The following SEMA5A variants were observed in gnomAD, a reference collection of about 807,000 sequenced individuals.
SEMA5A encodes semaphorin-5A.
In SEMA5A, 55 loss-of-function variants were observed where a neutral mutation model predicts 135.5. That is an observed-to-expected ratio of 0.41 (90% CI 0.33 to 0.51). The LOEUF (loss-of-function observed/expected upper bound fraction) is 0.51, where lower values mean the gene tolerates loss of function less well. Ranked by LOEUF, SEMA5A falls within the 20% of genes least tolerant of loss-of-function variation. The pLI is 0.37. For missense variants in SEMA5A, 1,290 were observed against 1,419.9 expected, an observed-to-expected ratio of 0.91 and a Z score of 1.47; for synonymous variants, 580 against 546.5, an observed-to-expected ratio of 1.06 and a Z score of -0.85.
chr5:9,315,149 A>C (rs1752336009), intron 5 of SEMA5A, among the ~76,000 whole-genome samples: 1 of 152,154 alleles, frequency 6.6e-6, no homozygotes, highest in Non-Finnish European at 1.5e-5. Context: ...TGTCAGTAAA[A>C]TTTGCAAAAA....
At chr5:9,476,308 C>A (rs1436374947) in intron 1 of SEMA5A, among the ~76,000 whole-genome samples, 3 of 151,934 alleles carry the variant, frequency 2.0e-5, no homozygotes, top group African/African-American at 7.3e-5. Context: ...TCCTAAAGCA[C>A]CAAACAGCTA....
At chr5:9,334,079 C>T (rs1753275680) in intron 4 of SEMA5A, among the ~76,000 whole-genome samples, 2 of 152,094 alleles carry the variant, frequency 1.3e-5, no homozygotes, top group Non-Finnish European at 2.9e-5. Flanking sequence ...AGAGGCTTTT[C>T]TTTTGCAGCC....
At chr5:9,379,736 T>C in intron 3 of SEMA5A, 87 bp downstream of exon 3, 2 of 1,495,254 alleles carry the variant, frequency 1.3e-6, no homozygotes, top group South Asian at 1.2e-5. Flanking sequence ...TTATACAGCA[T>C]TCGTGATGCT....
chr5:9,226,247 G>A (rs940718198), intron 7 of SEMA5A, among the ~76,000 whole-genome samples: 2 of 152,174 alleles, frequency 1.3e-5, no homozygotes, highest in Non-Finnish European at 2.9e-5. Flanking sequence ...TATTCCCAGA[G>A]GAAGGTTGCA....
intron 11 of SEMA5A, among the ~76,000 whole-genome samples, chr5:9,186,520 T>C (rs1241374456): frequency 1.3e-5 from 2 of 152,204 alleles, no homozygotes; most frequent in African/African-American, 4.8e-5. Context: ...ATTCTGCAAG[T>C]AAGGTAGGAA....
At chr5:9,091,859 C>A (rs1298819167) in intron 16 of SEMA5A, among the ~76,000 whole-genome samples, 2 of 152,158 alleles carry the variant, frequency 1.3e-5, no homozygotes, top group East Asian at 3.9e-4. Flanking sequence ...GTATGACAGT[C>A]CTGTTGAGCA....
chr5:9,504,224 GAAA>G (rs756036470), intron 1 of SEMA5A, among the ~76,000 whole-genome samples: 1 of 104,420 alleles, frequency 9.6e-6, no homozygotes, highest in African/African-American at 3.7e-5. Context: ...AAAAAAAAAA[GAAA>G]AAAAAAAAAA....
chr5:9,508,835 C>A (rs992778916), intron 1 of SEMA5A, among the ~76,000 whole-genome samples: 1 of 152,146 alleles, frequency 6.6e-6, no homozygotes, highest in Admixed American at 6.5e-5. Context: ...CCATGTCTGT[C>A]TTCTCCGTCA....
At chr5:9,098,146 G>C (rs1739426058) in intron 16 of SEMA5A, among the ~76,000 whole-genome samples, 1 of 151,948 alleles carries the variant, frequency 6.6e-6, no homozygotes, top group South Asian at 2.1e-4. Context: ...GGGAGGCTGA[G>C]GCAGAAGAAT....
chr5:9,223,995 GTGGCTC>G (rs1164800181), intron 8 of SEMA5A, among the ~76,000 whole-genome samples: 1 of 152,120 alleles, frequency 6.6e-6, no homozygotes, highest in African/African-American at 2.4e-5. Context: ...GGAGAGGGAT[GTGGCTC>G]TTCTTCGAGT....
chr5:9,129,955 C>T (rs1469032734), intron 13 of SEMA5A, among the ~76,000 whole-genome samples: 1 of 152,192 alleles, frequency 6.6e-6, no homozygotes, highest in Non-Finnish European at 1.5e-5. Flanking sequence ...TCAACCACTT[C>T]ATTCTGTAAA....
chr5:9,354,261 T>G (rs1270342221), intron 3 of SEMA5A, among the ~76,000 whole-genome samples: 1 of 152,202 alleles, frequency 6.6e-6, no homozygotes, highest in Non-Finnish European at 1.5e-5. Context: ...TCACTCTTGT[T>G]TCCCAGCGTG....
At chr5:9,329,523 A>C (rs946102205) in intron 4 of SEMA5A, among the ~76,000 whole-genome samples, 1 of 152,264 alleles carries the variant, frequency 6.6e-6, no homozygotes, top group Admixed American at 6.5e-5. Flanking sequence ...GCTTCCTGGC[A>C]TAAAGTAGGT....
intron 3 of SEMA5A, among the ~76,000 whole-genome samples, chr5:9,375,725 G>A (rs1377926216): frequency 6.6e-6 from 1 of 151,300 alleles, no homozygotes; most frequent in Non-Finnish European, 1.5e-5. Context: ...GAAAGTCCCA[G>A]GAAGACCAGG....
intron 1 of SEMA5A, among the ~76,000 whole-genome samples, chr5:9,530,327 T>G (rs566397400): frequency 6.6e-6 from 1 of 152,232 alleles, no homozygotes; most frequent in Non-Finnish European, 1.5e-5. Context: ...ATTCACATTT[T>G]TATATGTAGT....
In SEMA5A at chr5:9,291,513, G is replaced by A. The variant is rs530603093; in HGVS notation, c.270+26859C>T. Among the ~76,000 whole-genome samples, 15 of 152,168 alleles carry A rather than the reference G, an allele frequency of 9.9e-5. No homozygotes were observed. In the East Asian group the frequency reaches 2.7e-3, roughly 27 times the overall value. On this transcript the variant is annotated intron_variant, in intron 5 of 22. Transcript: ENST00000382496. The stretch of plus-strand genomic sequence containing the variant: ...AGTTCAGCCATCCAGAGACCACCAT[G>A]TTAGGAGAGAATAAAGAGATGACAT...
At chr5:9,290,554 T>C (rs1286818668) in intron 5 of SEMA5A, among the ~76,000 whole-genome samples, 1 of 152,144 alleles carries the variant, frequency 6.6e-6, no homozygotes, top group Admixed American at 6.6e-5. Context: ...AACAAGACAA[T>C]TTCTTTTCTA....
intron 5 of SEMA5A, among the ~76,000 whole-genome samples, chr5:9,308,378 C>T (rs1751970419): frequency 6.6e-6 from 1 of 152,118 alleles, no homozygotes; most frequent in Non-Finnish European, 1.5e-5. Flanking sequence ...CGCCACAGCC[C>T]TTGCCTCAAA....
intron 1 of SEMA5A, among the ~76,000 whole-genome samples, chr5:9,446,618 C>T (rs1159953229): frequency 2.0e-5 from 3 of 151,728 alleles, no homozygotes; most frequent in Non-Finnish European, 2.9e-5. Context: ...AAATCTCAGT[C>T]CCTAGAAAAA....
Sources: allele counts gnomAD v4.1 joint callset (sites outside exome capture counted in the v4.1 genomes callset), GRCh38; gene constraint gnomAD v4.1.1; transcripts MANE v1.5; gene names NCBI Gene and HGNC (gene_info 2026-07-23, HGNC 2026-07-21).